The following SHANK2 variants were observed in gnomAD, a reference collection of about 807,000 sequenced individuals.
SHANK2 encodes the protein SH3 and multiple ankyrin repeat domains protein 2.
Under a neutral mutation model 133.7 loss-of-function variants are expected in SHANK2, and 43 were observed. The observed-to-expected ratio is 0.32, with a 90% confidence interval of 0.25 to 0.41. The LOEUF is 0.41. SHANK2 is among the 10% of genes least tolerant of loss of function. The pLI is 1.00. For missense variants in SHANK2, 1,994 were observed against 2,235.8 expected (o/e 0.89, Z 2.18); for synonymous variants, 1,017 against 952.8 (o/e 1.07, Z -1.24).
intron 11 of SHANK2, among the ~76,000 whole-genome samples, chr11:70,868,420 G>C (rs1189154032): frequency 6.6e-6 from 1 of 152,214 alleles, no homozygotes; most frequent in Admixed American, 6.5e-5. Flanking sequence ...AATGACAACA[G>C]TCAAGAGTCC....
Position 71,108,424 on chromosome 11 carries a change from G to A in SHANK2, c.592+1517C>T, listed in dbSNP as rs185587481. On this transcript the variant is annotated intron_variant, in intron 6 of 25. Transcript: ENST00000601538. ...GCCTGCCCCACAGCTGAGGGCCACT[G>A]CAGCTGCCCACCTGCCCTCCAGATG... 8.1e-4 allele frequency among the ~76,000 whole-genome samples: 123 copies of A among 152,262 alleles called. 1 individual carries two copies. In the Middle Eastern group the frequency reaches 0.014, roughly 17 times the overall value.
intron 10 of SHANK2, among the ~76,000 whole-genome samples, chr11:70,952,161 G>T (rs542479222): frequency 1.5e-4 from 23 of 152,304 alleles, no homozygotes; most frequent in Non-Finnish European, 2.8e-4. Flanking sequence ...CCCAGGTTCT[G>T]CAGACGGGAA....
chr11:71,117,253 C>T (rs1951995646), intron 4 of SHANK2, among the ~76,000 whole-genome samples: 1 of 152,206 alleles, frequency 6.6e-6, no homozygotes, highest in African/African-American at 2.4e-5. Context: ...CTCCTGATCT[C>T]AGGTGATCCA....
At chr11:70,783,276 C>A (rs1555045617) in intron 14 of SHANK2, among the ~76,000 whole-genome samples, 1 of 152,120 alleles carries the variant, frequency 6.6e-6, no homozygotes, top group African/African-American at 2.4e-5. Context: ...TTCAGAAAAG[C>A]AGAGGACGTG....
At chr11:70,908,280 C>G (rs1950137927) in intron 10 of SHANK2, among the ~76,000 whole-genome samples, 4 of 152,142 alleles carry the variant, frequency 2.6e-5, no homozygotes, top group Admixed American at 2.6e-4. Flanking sequence ...GCCTGGCTGG[C>G]ACACGCAGGA....
intron 17 of SHANK2, among the ~76,000 whole-genome samples, chr11:70,598,221 C>T (rs1474320366): frequency 6.6e-6 from 1 of 151,880 alleles, no homozygotes; most frequent in Non-Finnish European, 1.5e-5. Flanking sequence ...GGTCATTTGT[C>T]GAATGACCTC....
chr11:71,167,481 A>C (rs1953183491), intron 2 of SHANK2, among the ~76,000 whole-genome samples: 2 of 130,932 alleles, frequency 1.5e-5, no homozygotes, highest in Middle Eastern at 5.4e-3. Flanking sequence ...ACTTCCCAGT[A>C]GGGGCGGCCG....
At chr11:71,086,394 A>G (rs1951416652) in intron 8 of SHANK2, among the ~76,000 whole-genome samples, 1 of 130,868 alleles carries the variant, frequency 7.6e-6, no homozygotes. Flanking sequence ...TATATGATAT[A>G]TGATATATTA....
At chr11:70,761,312 G>A (rs1946991785) in intron 14 of SHANK2, among the ~76,000 whole-genome samples, 1 of 152,166 alleles carries the variant, frequency 6.6e-6, no homozygotes, top group African/African-American at 2.4e-5. Flanking sequence ...TGGCCACACG[G>A]GGGCATAGCG....
intron 17 of SHANK2, among the ~76,000 whole-genome samples, chr11:70,611,123 C>T (rs370854213): frequency 5.9e-5 from 9 of 152,204 alleles, no homozygotes; most frequent in South Asian, 2.1e-4. Flanking sequence ...GTGAAGCCAA[C>T]GCTTCAGAAT....
At chr11:70,538,132 G>A (rs781912016) in intron 17 of SHANK2, among the ~76,000 whole-genome samples, 92 of 152,320 alleles carry the variant, frequency 6.0e-4, no homozygotes, top group African/African-American at 1.9e-3. Context: ...GGATTCAGGC[G>A]GTCACTGTCA....
At chr11:70,874,213 A>G (rs185280050) in intron 11 of SHANK2, among the ~76,000 whole-genome samples, 1 of 152,180 alleles carries the variant, frequency 6.6e-6, no homozygotes, top group East Asian at 1.9e-4. Context: ...ATATCTATAT[A>G]CTCCATCTAT....
At chr11:70,871,616 G>A (rs1555070197) in intron 11 of SHANK2, among the ~76,000 whole-genome samples, 2 of 152,210 alleles carry the variant, frequency 1.3e-5, no homozygotes, top group African/African-American at 2.4e-5. Flanking sequence ...AAGTGAGGTC[G>A]AGACAAATAT....
At chr11:70,687,762 G>A (rs1486478691) in intron 15 of SHANK2, among the ~76,000 whole-genome samples, 2 of 152,220 alleles carry the variant, frequency 1.3e-5, no homozygotes, top group African/African-American at 2.4e-5. Context: ...CTGAGCTCTG[G>A]GGGCCCCTGC....
chr11:71,179,127 G>A (rs1463804302), intron 2 of SHANK2, among the ~76,000 whole-genome samples: 3 of 152,046 alleles, frequency 2.0e-5, no homozygotes, highest in Non-Finnish European at 2.9e-5. Flanking sequence ...ACCCCGATAC[G>A]AAAAAGAAAA....
chr11:70,531,281 C>CT (rs2059466451), intron 17 of SHANK2, among the ~76,000 whole-genome samples: 1 of 152,230 alleles, frequency 6.6e-6, no homozygotes, highest in South Asian at 2.1e-4. Context: ...GGCGCCTCAC[C>CT]TGCCAGCCCC....
rs111557548 is a variant in SHANK2, at chr11:70,629,106, TG to T, written c.2061+30721del. On this transcript the variant is annotated intron_variant, in intron 17 of 25. Transcript: ENST00000601538. ...CGTGCTCACTGCAGCCTGAATTCAG[TG>T]GGGAAACGCGCCCCGGGCACCCTCC... 1.5e-3 allele frequency among the ~76,000 whole-genome samples: 230 copies of T among 152,202 alleles called. 1 individual carries two copies. Among genetic ancestry groups the T allele is most frequent in the African/African-American group, 5.3e-3 (221 of 41,538 alleles).
rs543297462 is a variant in SHANK2 at position 71,232,197 on chromosome 11, T to G, written c.-112-7401A>C. 3.7e-4 allele frequency among the ~76,000 whole-genome samples: 56 copies of G among 152,240 alleles called. No individual in the cohort carries two copies. In the South Asian group the frequency reaches 0.012, roughly 32 times the overall value. On this transcript the variant is annotated intron_variant, in intron 1 of 25. Transcript: ENST00000601538. ...CAAAATTACAGAGATGGAGAACAGA[T>G]GAGTGGTTACCAGGGCTTATAGAGC... is the stretch of plus-strand genomic sequence containing the variant.
rs375479523 is a variant in SHANK2 at position 71,207,395 on chromosome 11, A to T, written c.-13+17302T>A. On this transcript the variant is annotated intron_variant, in intron 2 of 25. Transcript: ENST00000601538. ...GGGTTTCACGATGTTGGCCAGGCTG[A>T]TCTTGAACTCCTGACCTCAGGTGAT... 6.0e-4 allele frequency among the ~76,000 whole-genome samples: 91 copies of T among 152,174 alleles called. 1 individual carries two copies. The East Asian group carries it at 0.011, about 18-fold the overall frequency.
Sources: gnomAD v4.1 joint callset for allele counts (sites outside exome capture counted in the v4.1 genomes callset) on GRCh38, gnomAD v4.1.1 for gene constraint, MANE v1.5 for transcripts, NCBI Gene and HGNC (gene_info 2026-07-23, HGNC 2026-07-21) for gene names.